NRG1: variants seen among roughly 807,000 people sequenced by gnomAD.
NRG1 encodes the protein neuregulin 1.
A neutral mutation model predicts 63.8 loss-of-function variants in NRG1; 18 were observed. That is an observed-to-expected ratio of 0.28 (90% CI 0.19 to 0.42). NRG1 has a LOEUF of 0.42. Among genes scored for constraint, NRG1 ranks in the 10% least tolerant of loss-of-function variants. The pLI is 1.00. For missense variants in NRG1, 762 were observed against 814.7 expected (o/e 0.94, Z 0.79); for synonymous variants, 302 against 301.3 (o/e 1.00, Z -0.02).
At chr8:32,241,746 C>A (rs942601962) in intron 1 of NRG1, among the ~76,000 whole-genome samples, 4 of 151,750 alleles carry the variant, frequency 2.6e-5, no homozygotes, top group African/African-American at 9.7e-5. Flanking sequence ...GCTTTGGCAT[C>A]AAATGCCACA....
intron 1 of NRG1, among the ~76,000 whole-genome samples, chr8:31,721,588 C>T (rs922233838): frequency 4.3e-4 from 66 of 152,184 alleles, no homozygotes; most frequent in African/African-American, 1.4e-3. Flanking sequence ...CATCTTTCTT[C>T]GCAGGAAAAA....
intron 1 of NRG1, among the ~76,000 whole-genome samples, chr8:32,338,077 CCA>C (rs1803559343): frequency 6.6e-6 from 1 of 152,166 alleles, no homozygotes; most frequent in Non-Finnish European, 1.5e-5. Flanking sequence ...ATCAAATCTG[CCA>C]CACGAAATTT....
chr8:32,443,677 C>A (rs1333222640), intron 1 of NRG1, among the ~76,000 whole-genome samples: 1 of 152,162 alleles, frequency 6.6e-6, no homozygotes, highest in Non-Finnish European at 1.5e-5. Flanking sequence ...GGCTGATGTG[C>A]ATTTTTCTCC....
intron 1 of NRG1, among the ~76,000 whole-genome samples, chr8:32,569,217 T>A (rs1393880349): frequency 6.6e-6 from 1 of 152,106 alleles, no homozygotes. Context: ...ACCTGGCTAA[T>A]TTTTGAATTT....
In NRG1 at chr8:32,580,800, G is replaced by A. The variant is rs1242456821; in HGVS notation, c.101-15028G>A. Among the ~76,000 whole-genome samples the A allele has an allele frequency of 3.3e-5, 5 of 152,180 alleles. No individual in the cohort carries two copies. In the East Asian group the frequency reaches 5.8e-4, roughly 18 times the overall value. On this transcript the variant is annotated intron_variant, in intron 1 of 11. Coordinates refer to ENST00000356819, the Ensembl canonical transcript of NRG1. Reference sequence around the variant, plus strand: ...TAATTTTTAATAAATAAGTGTTTTAGTAAGGAAAATAAGTTGTTATTAGGA... The same window carrying A: ...TAATTTTTAATAAATAAGTGTTTTAATAAGGAAAATAAGTTGTTATTAGGA...
chr8:31,840,349 C>CTTTTTTTT lies in NRG1; in HGVS notation c.37+200928_37+200935dup, dbSNP rs71992716. Among the ~76,000 whole-genome samples the CTTTTTTTT allele has an allele frequency of 2.4e-3, 282 of 116,728 alleles. 6 individuals carry two copies. Among genetic ancestry groups the CTTTTTTTT allele is most frequent in the East Asian group, 3.8e-3 (12 of 3,182 alleles). 76.6% of individuals were successfully genotyped at this position (116,728 alleles called of 152,430 possible). ...AAAGGTCAAATGTGCTATTCTCTGTCTTTTTTTTTTTTTTTTTGGTCTGAA... is the reference window on the plus strand; with the variant it reads ...AAAGGTCAAATGTGCTATTCTCTGTCTTTTTTTTTTTTTTTTTTTTTTTTTGGTCTGAA... On this transcript the variant is annotated intron_variant, in intron 1 of 10. Transcript: ENST00000519301.
At chr8:32,350,058 G>C (rs894168447) in intron 1 of NRG1, among the ~76,000 whole-genome samples, 2 of 152,112 alleles carry the variant, frequency 1.3e-5, no homozygotes, top group African/African-American at 4.8e-5. Context: ...GTGGGCAGCA[G>C]CTCTCCTGGA....
At chr8:32,216,165 A>G (rs189409596) in intron 1 of NRG1, among the ~76,000 whole-genome samples, 20 of 150,590 alleles carry the variant, frequency 1.3e-4, no homozygotes, top group Admixed American at 9.3e-4. Flanking sequence ...ATTTCTAATT[A>G]TCGTATACAG....
At chr8:32,612,755 G>A (rs550719783) in intron 3 of NRG1, among the ~76,000 whole-genome samples, 1 of 152,046 alleles carries the variant, frequency 6.6e-6, no homozygotes, top group Admixed American at 6.6e-5. Flanking sequence ...CTTGATATCC[G>A]AATTGGGATT....
At chr8:31,847,088 A>G (rs1344410698) in intron 1 of NRG1, among the ~76,000 whole-genome samples, 2 of 152,244 alleles carry the variant, frequency 1.3e-5, no homozygotes, top group East Asian at 1.9e-4. Context: ...GGCTTGAAAG[A>G]TCACATTAAT....
At chr8:32,476,533 G>C (rs1336007707) in intron 1 of NRG1, among the ~76,000 whole-genome samples, 1 of 152,096 alleles carries the variant, frequency 6.6e-6, no homozygotes, top group African/African-American at 2.4e-5. Context: ...TTTATGGGTG[G>C]GGACCATGTG....
chr8:32,636,726 A>G (rs1353997749), intron 5 of NRG1, among the ~76,000 whole-genome samples: 1 of 152,222 alleles, frequency 6.6e-6, no homozygotes, highest in Non-Finnish European at 1.5e-5. Flanking sequence ...GGAGGGGGAC[A>G]GAAAAAGCTC....
At chr8:32,471,497 G>A (rs1012603612) in intron 1 of NRG1, among the ~76,000 whole-genome samples, 5 of 152,040 alleles carry the variant, frequency 3.3e-5, no homozygotes, top group Admixed American at 1.3e-4. Flanking sequence ...CAATGGTGAA[G>A]TACCCTTTTT....
At position 31,813,819 on chromosome 8, in the gene NRG1, G is replaced by C. The variant is rs568202874; in HGVS notation, c.37+174388G>C. 2.2e-3 allele frequency among the ~76,000 whole-genome samples: 328 copies of C among 152,152 alleles called. 1 individual carries two copies. Among genetic ancestry groups the C allele is most frequent in the Middle Eastern group, 3.4e-3 (1 of 294 alleles). On this transcript the variant is annotated intron_variant, in intron 1 of 10. Transcript: ENST00000519301. ...GGGGATTATAGGTGTGAGCCATCAT[G>C]CCTGGCCAGGAATTTTCTTGAATGC... is the stretch of plus-strand genomic sequence containing the variant.
chr8:32,524,020 C>T (rs148491120), intron 1 of NRG1, among the ~76,000 whole-genome samples: 1,699 of 151,682 alleles, frequency 0.011, 20 homozygotes, highest in Non-Finnish European at 0.019. Flanking sequence ...GCCATGGTGG[C>T]TCATTCCTGT....
At chr8:32,235,058 C>T (rs1016000725) in intron 1 of NRG1, among the ~76,000 whole-genome samples, 1 of 151,814 alleles carries the variant, frequency 6.6e-6, no homozygotes, top group African/African-American at 2.4e-5. Context: ...CAAAGTCAGA[C>T]AAAGAAGGAT....
intron 1 of NRG1, among the ~76,000 whole-genome samples, chr8:31,937,791 C>T (rs912149392): frequency 2.0e-5 from 3 of 152,106 alleles, no homozygotes; most frequent in African/African-American, 7.2e-5. Context: ...CAGTGGCAGC[C>T]ATAATCCCCC....
At chr8:32,080,515 G>A (rs565179068) in intron 1 of NRG1, among the ~76,000 whole-genome samples, 1 of 152,128 alleles carries the variant, frequency 6.6e-6, no homozygotes, top group Non-Finnish European at 1.5e-5. Context: ...ATAAAAGTGT[G>A]TGCACTGGGA....
chr8:32,625,228 A>G (rs1849007548), intron 5 of NRG1, among the ~76,000 whole-genome samples: 1 of 149,700 alleles, frequency 6.7e-6, no homozygotes, highest in Non-Finnish European at 1.5e-5. Flanking sequence ...CTAATCATCA[A>G]AAGTGTTGGA....
Sources: gnomAD v4.1 joint callset for allele counts (sites outside exome capture counted in the v4.1 genomes callset) on GRCh38, gnomAD v4.1.1 for gene constraint, MANE v1.5 for transcripts, NCBI Gene and HGNC (gene_info 2026-07-23, HGNC 2026-07-21) for gene names.